The following TXNDC16 variants were observed in gnomAD, a reference collection of about 807,000 sequenced individuals.
The protein encoded by TXNDC16 is thioredoxin domain-containing protein 16.
In TXNDC16, 74 loss-of-function variants were observed where a neutral mutation model predicts 85.6. That is an observed-to-expected ratio of 0.86 (90% CI 0.72 to 1.05). The LOEUF is 1.05. Among genes scored for constraint, TXNDC16 ranks in the 50% least tolerant of loss-of-function variants. The pLI is 0.00. For missense variants in TXNDC16, 959 were observed against 947.0 expected (o/e 1.01, Z -0.17); for synonymous variants, 335 against 326.5 (o/e 1.03, Z -0.28).
intron 18 of TXNDC16, among the ~76,000 whole-genome samples, chr14:52,440,993 G>GT (rs2035151828): frequency 6.6e-6 from 1 of 152,122 alleles, no homozygotes; most frequent in Admixed American, 6.5e-5. Flanking sequence ...TTTACAAGAT[G>GT]TAACACTTCT....
intron 6 of TXNDC16, among the ~76,000 whole-genome samples, chr14:52,525,535 C>CAA (rs397853370): frequency 0.02 from 2,770 of 136,120 alleles, 83 homozygotes; most frequent in African/African-American, 0.069. Context: ...ACTAAAAATA[C>CAA]AAAAAAAAAA....
At chr14:52,498,864 G>C (rs969859191) in intron 9 of TXNDC16, among the ~76,000 whole-genome samples, 13 of 152,020 alleles carry the variant, frequency 8.6e-5, no homozygotes, top group Admixed American at 5.9e-4. Context: ...AGATAGCCCA[G>C]ACAATCTTGA....
chr14:52,453,359 A>G (rs2035455449), intron 18 of TXNDC16, among the ~76,000 whole-genome samples: 1 of 152,246 alleles, frequency 6.6e-6, no homozygotes, highest in Non-Finnish European at 1.5e-5. Context: ...AGTATACCAA[A>G]GAGATATCTG....
intron 14 of TXNDC16, among the ~76,000 whole-genome samples, chr14:52,479,494 T>A (rs1201782160): frequency 6.6e-6 from 1 of 151,588 alleles, no homozygotes; most frequent in Non-Finnish European, 1.5e-5. Context: ...TGTACACAAA[T>A]CAATAGCTCT....
In TXNDC16 at chr14:52,440,582, G is replaced by C. The variant is rs201389150; in HGVS notation, c.1985C>G (p.Thr662Ser). The change falls in exon 19 of 21, where the codon ACT becomes AGT. Residue 662 changes from threonine (T) to serine (S), a missense_variant. Physicochemically the swap from Thr to Ser is moderately conservative, Grantham distance 58. Transcript: ENST00000281741. ...LVKQKYLDSF[T>S]PCWLNLKNTP... ...TACTTACAGATTTAACCAGCATGGA[G>C]TAAATGAATCCAAGTATTTCTGCTT... The C allele has an allele frequency of 6.2e-7, 1 of 1,604,534 alleles. No homozygotes were observed. Among genetic ancestry groups the C allele is most frequent in the Non-Finnish European group, 8.5e-7 (1 of 1,176,804 alleles).
chr14:52,507,168 T>G (rs929702048), intron 9 of TXNDC16, among the ~76,000 whole-genome samples: 1 of 152,094 alleles, frequency 6.6e-6, no homozygotes, highest in African/African-American at 2.4e-5. Flanking sequence ...GAAAACCCCA[T>G]TGTCTCAGCC....
At chr14:52,510,554 A>T (rs1010920916) in intron 9 of TXNDC16, among the ~76,000 whole-genome samples, 3 of 152,158 alleles carry the variant, frequency 2.0e-5, no homozygotes, top group Non-Finnish European at 4.4e-5. Flanking sequence ...GGTCATCTAA[A>T]TTAACTTCTG....
At chr14:52,496,181 A>G (rs2036528594) in intron 9 of TXNDC16, among the ~76,000 whole-genome samples, 1 of 151,854 alleles carries the variant, frequency 6.6e-6, no homozygotes, top group Non-Finnish European at 1.5e-5. Flanking sequence ...AAAGAGACAG[A>G]TCATTTTCCC....
Position 52,552,351 on chromosome 14 carries a change from C to G in TXNDC16, c.-217G>C, listed in dbSNP as rs1235704604. 1.3e-5 allele frequency: 2 copies of G among 152,332 alleles called. No homozygotes were observed. The highest frequency in any genetic ancestry group is 2.9e-5 in the Non-Finnish European group (2 of 68,184). 9.4% of individuals were successfully genotyped at this position (152,332 alleles called of 1,614,324 possible). On this transcript the variant is annotated 5_prime_UTR_variant, in exon 1 of 21. Coordinates refer to ENST00000281741, the MANE Select transcript of TXNDC16 (RefSeq NM_020784.3). Reference sequence around the variant, plus strand: ...CCTGCGGGCGGGGACCTGGGCCGTTCCCGAGGCCGCGCGGCCAACAGTTCC... The same window carrying G: ...CCTGCGGGCGGGGACCTGGGCCGTTGCCGAGGCCGCGCGGCCAACAGTTCC...
At chr14:52,514,025 C>G (rs2037019752) in intron 8 of TXNDC16, among the ~76,000 whole-genome samples, 1 of 151,988 alleles carries the variant, frequency 6.6e-6, no homozygotes. Flanking sequence ...TGAGACAGGT[C>G]AATAAGGAGA....
intron 19 of TXNDC16, 148 bp from the exon 20 acceptor site, chr14:52,439,542 G>A (rs749284011): frequency 7.3e-6 from 5 of 683,884 alleles, no homozygotes; most frequent in South Asian, 2.2e-5. Context: ...AGAAGTCTAC[G>A]ACATGTTATT....
chr14:52,530,454 A>AAT (rs2037516685), intron 6 of TXNDC16, among the ~76,000 whole-genome samples: 1 of 8,818 alleles, frequency 1.1e-4, no homozygotes, highest in African/African-American at 9.3e-4. Flanking sequence ...ATTATTATAT[A>AAT]ATAATATATA....
intron 1 of TXNDC16, among the ~76,000 whole-genome samples, chr14:52,549,070 C>T (rs1399606327): frequency 2.6e-5 from 4 of 152,208 alleles, no homozygotes; most frequent in Middle Eastern, 3.4e-3. Context: ...TACTAAAAGA[C>T]GGGAAAAGTA....
At chr14:52,484,515 T>C (rs1226410395) in intron 12 of TXNDC16, among the ~76,000 whole-genome samples, 8 of 152,216 alleles carry the variant, frequency 5.3e-5, no homozygotes, top group African/African-American at 1.9e-4. Context: ...GTGGCCATTG[T>C]AACATCGTAG....
At position 52,440,851 on chromosome 14, in the gene TXNDC16, A is replaced by G. The variant is rs1301088888; in HGVS notation, c.1843-127T>C. 8.4e-6 allele frequency: 7 copies of G among 828,658 alleles called. No homozygotes were observed. In the Admixed American group the frequency reaches 2.0e-4, roughly 24 times the overall value. 51.3% of individuals were successfully genotyped at this position (828,658 alleles called of 1,614,324 possible). ...TGTAATTCAAACACATTTTCACTTAAGTAGAGATTTTACTATATTAATAAC... is the reference window on the plus strand; with the variant it reads ...TGTAATTCAAACACATTTTCACTTAGGTAGAGATTTTACTATATTAATAAC... On this transcript the variant is annotated intron_variant, in intron 18 of 20. Coordinates refer to ENST00000281741, the MANE Select transcript of TXNDC16 (RefSeq NM_020784.3).
intron 9 of TXNDC16, among the ~76,000 whole-genome samples, chr14:52,501,903 G>A (rs1171479024): frequency 6.6e-6 from 1 of 152,180 alleles, no homozygotes; most frequent in Non-Finnish European, 1.5e-5. Flanking sequence ...AACCAGCTGA[G>A]GATTCTAACA....
At chr14:52,462,140 C>G (rs1329359574) in intron 16 of TXNDC16, among the ~76,000 whole-genome samples, 4 of 152,186 alleles carry the variant, frequency 2.6e-5, no homozygotes, top group Non-Finnish European at 4.4e-5. Flanking sequence ...GATTTTATGG[C>G]TTTTATACAA....
At chr14:52,531,507 GA>G (rs1329414432) in intron 6 of TXNDC16, among the ~76,000 whole-genome samples, 4 of 152,146 alleles carry the variant, frequency 2.6e-5, no homozygotes, top group Non-Finnish European at 5.9e-5. Context: ...ATCAAGCCAT[GA>G]AAAGACATGC....
chr14:52,527,460 T>C (rs2140204081), intron 6 of TXNDC16, among the ~76,000 whole-genome samples: 1 of 152,314 alleles, frequency 6.6e-6, no homozygotes, highest in Admixed American at 6.5e-5. Context: ...CTATCTTCTC[T>C]TCCCCAGAGT....
Sources: gnomAD v4.1 joint callset for allele counts (sites outside exome capture counted in the v4.1 genomes callset) on GRCh38, gnomAD v4.1.1 for gene constraint, MANE v1.5 for transcripts, NCBI Gene and HGNC (gene_info 2026-07-23, HGNC 2026-07-21) for gene names.